GABRG3: variants seen among roughly 807,000 people sequenced by gnomAD.
The protein encoded by GABRG3 is gamma-aminobutyric acid type A receptor subunit gamma3, also known as gamma-aminobutyric acid receptor subunit gamma-3.
GABRG3 carries 25 observed loss-of-function variants against 48.8 expected under a neutral mutation model. The observed-to-expected ratio is 0.51, with a 90% CI of 0.37 to 0.72. The LOEUF is 0.72. GABRG3 is among the 30% of genes least tolerant of loss of function. GABRG3 has a pLI of 0.00. For synonymous variants in GABRG3, 227 were observed against 217.6 expected (o/e 1.04, Z -0.38); for missense variants, 394 against 577.9 (o/e 0.68, Z 3.26).
intron 3 of GABRG3, among the ~76,000 whole-genome samples, chr15:27,186,188 G>A (rs72700120): frequency 0.051 from 7,707 of 151,940 alleles, 234 homozygotes; most frequent in South Asian, 0.075. Context: ...CTCTTTCCTC[G>A]AGTAGTCCCC....
At chr15:27,025,710 G>A (rs1051233834) in intron 2 of GABRG3, among the ~76,000 whole-genome samples, 1 of 152,170 alleles carries the variant, frequency 6.6e-6, no homozygotes, top group Non-Finnish European at 1.5e-5. Flanking sequence ...GTAGAGTGTG[G>A]AATTCCATTT....
intron 3 of GABRG3, among the ~76,000 whole-genome samples, chr15:27,080,097 C>A (rs1896967998): frequency 6.6e-6 from 1 of 152,074 alleles, no homozygotes; most frequent in South Asian, 2.1e-4. Flanking sequence ...TGCGTCCTCT[C>A]TAAGGTTGCC....
intron 3 of GABRG3, among the ~76,000 whole-genome samples, chr15:27,212,461 T>C (rs977022932): frequency 4.6e-5 from 7 of 152,226 alleles, no homozygotes; most frequent in African/African-American, 4.8e-5. Flanking sequence ...GCCCTAGTTA[T>C]GGGGTAAGTT....
chr15:27,499,285 A>AT (rs1336118176), intron 6 of GABRG3, among the ~76,000 whole-genome samples: 1 of 152,202 alleles, frequency 6.6e-6, no homozygotes, highest in Non-Finnish European at 1.5e-5. Flanking sequence ...CAGACAAAAA[A>AT]TTCCCCAGGA....
At chr15:27,201,012 G>A (rs1888663346) in intron 3 of GABRG3, among the ~76,000 whole-genome samples, 1 of 152,148 alleles carries the variant, frequency 6.6e-6, no homozygotes, top group African/African-American at 2.4e-5. Flanking sequence ...TCCATGCCCT[G>A]CCTCTGGAAT....
In GABRG3 at chr15:27,180,372, G is replaced by T. The variant is rs1887891183; in HGVS notation, c.271-146437G>T. ...GAAGAGCAACTGTAGAATTCTTCAG[G>T]TTATGACTGCCATGTGCTTTGAGGC... On this transcript the variant is annotated intron_variant, in intron 3 of 9. Transcript: ENST00000615808. This position sits in a 1 kb window ranked among gnomAD's most constrained non-coding sequence, Gnocchi z 4.2. Among the ~76,000 whole-genome samples, 1 of 152,088 alleles carries T rather than the reference G, an allele frequency of 6.6e-6. No homozygotes were observed. Among genetic ancestry groups the T allele is most frequent in the African/African-American group, 2.4e-5 (1 of 41,390 alleles).
At chr15:27,401,342 G>T (rs1887469249) in intron 5 of GABRG3, among the ~76,000 whole-genome samples, 1 of 152,032 alleles carries the variant, frequency 6.6e-6, no homozygotes. Flanking sequence ...TAAAAACCAG[G>T]GTTCTATTGG....
chr15:27,526,216 AGCTGTCCACC>A (rs1488816797), intron 7 of GABRG3, among the ~76,000 whole-genome samples: 1 of 152,154 alleles, frequency 6.6e-6, no homozygotes, highest in Non-Finnish European at 1.5e-5. Context: ...CACCTCTACA[AGCTGTCCACC>A]CCATGCTTTG....
At chr15:27,411,392 A>G (rs1052120622) in intron 5 of GABRG3, among the ~76,000 whole-genome samples, 6 of 152,088 alleles carry the variant, frequency 3.9e-5, no homozygotes, top group African/African-American at 1.4e-4. Context: ...TGGTTACCAT[A>G]GTTATAAAGT....
At chr15:27,256,259 G>A (rs999559266) in intron 3 of GABRG3, among the ~76,000 whole-genome samples, 7 of 151,494 alleles carry the variant, frequency 4.6e-5, no homozygotes, top group African/African-American at 9.7e-5. Context: ...TGGCTAACAT[G>A]GTGAAACCCG....
In GABRG3 at chr15:27,176,923, G is replaced by A. The variant is rs208131; in HGVS notation, c.271-149886G>A. On this transcript the variant is annotated intron_variant, in intron 3 of 9. Transcript: ENST00000615808. ...TGCTGAACTCACTGTCTAACCACCCGACAGTTTCTTGCCCACTGCATAGAA... is the reference window on the plus strand; with the variant it reads ...TGCTGAACTCACTGTCTAACCACCCAACAGTTTCTTGCCCACTGCATAGAA... Among the ~76,000 whole-genome samples, 1,207 of 152,246 alleles carry A rather than the reference G, an allele frequency of 7.9e-3. 16 individuals carry two copies. The highest frequency in any genetic ancestry group is 0.027 in the African/African-American group (1,140 of 41,542).
chr15:27,491,244 G>T (rs114897251), intron 6 of GABRG3, among the ~76,000 whole-genome samples: 2 of 152,258 alleles, frequency 1.3e-5, no homozygotes, highest in Admixed American at 1.3e-4. Flanking sequence ...CAGTGGCCTC[G>T]GGGCTCCCCT....
chr15:27,500,939 G>A (rs61044193), intron 6 of GABRG3, among the ~76,000 whole-genome samples: 6,212 of 148,616 alleles, frequency 0.042, 461 homozygotes, highest in African/African-American at 0.15. Flanking sequence ...GAGAAAAATA[G>A]GAAGTAACGT....
At chr15:27,439,675 C>A (rs1348764106) in intron 5 of GABRG3, among the ~76,000 whole-genome samples, 1 of 152,206 alleles carries the variant, frequency 6.6e-6, no homozygotes, top group Non-Finnish European at 1.5e-5. Context: ...GCTGTTTCCA[C>A]GTGGTCTTGC....
At chr15:27,483,997 C>T (rs1449851982) in intron 6 of GABRG3, among the ~76,000 whole-genome samples, 3 of 152,234 alleles carry the variant, frequency 2.0e-5, no homozygotes, top group Non-Finnish European at 2.9e-5. Context: ...TGCAATGGCA[C>T]GATCTCGACT....
At chr15:27,388,020 G>A (rs1167069903) in intron 5 of GABRG3, among the ~76,000 whole-genome samples, 1 of 113,390 alleles carries the variant, frequency 8.8e-6, no homozygotes, top group Non-Finnish European at 1.9e-5. Context: ...GGAAAGGGAG[G>A]AGGGAGGGAG....
At chr15:27,388,148 A>AAGGAAGGAAGGAAAGG (rs1896033741) in intron 5 of GABRG3, among the ~76,000 whole-genome samples, 1 of 69,560 alleles carries the variant, frequency 1.4e-5, no homozygotes, top group Non-Finnish European at 2.5e-5. Context: ...GAGGGTAAGG[A>AAGGAAGGAAGGAAAGG]AGGAAGGAAG....
chr15:27,356,274 G>A (rs1005553743), intron 5 of GABRG3, among the ~76,000 whole-genome samples: 28 of 152,046 alleles, frequency 1.8e-4, no homozygotes, highest in African/African-American at 6.3e-4. Flanking sequence ...GTAGGGGGTG[G>A]GGAGAGAGGT....
intron 6 of GABRG3, among the ~76,000 whole-genome samples, chr15:27,482,320 G>A (rs1890119424): frequency 6.6e-6 from 1 of 152,236 alleles, no homozygotes; most frequent in Admixed American, 6.5e-5. Flanking sequence ...ACGGACGCAT[G>A]GTGGCTGTAG....
Sources: allele counts gnomAD v4.1 joint callset (sites outside exome capture counted in the v4.1 genomes callset), GRCh38; gene constraint gnomAD v4.1.1; non-coding constraint Gnocchi (gnomAD v3.1); transcripts MANE v1.5; gene names NCBI Gene and HGNC (gene_info 2026-07-23, HGNC 2026-07-21).